NDEL1: variants seen among roughly 807,000 people sequenced by gnomAD.
NDEL1 encodes nuclear distribution protein nudE-like 1.
In NDEL1, 9 loss-of-function variants were observed where a neutral mutation model predicts 45.7. The ratio of observed to expected loss-of-function variants is 0.20; its 90% CI spans 0.12 to 0.34. The LOEUF is 0.34. Among genes scored for constraint, NDEL1 ranks in the 10% least tolerant of loss-of-function variants. The probability of loss-of-function intolerance (pLI) is 1.00; values close to 1 mark genes in which losing one functional copy is unlikely to be tolerated. For synonymous variants in NDEL1, 133 were observed against 158.6 expected, an observed-to-expected ratio of 0.84 and a Z score of 1.21; for missense variants, 306 against 406.2, an observed-to-expected ratio of 0.75 and a Z score of 2.12.
intron 1 of NDEL1, among the ~76,000 whole-genome samples, chr17:8,430,300 A>C (rs1374014982): frequency 6.6e-6 from 1 of 152,194 alleles, no homozygotes; most frequent in Non-Finnish European, 1.5e-5. Context: ...TTAGCAAAAA[A>C]TGCTGGCCAA....
At chr17:8,450,412 C>T (rs140292796) in intron 5 of NDEL1, among the ~76,000 whole-genome samples, 4 of 152,058 alleles carry the variant, frequency 2.6e-5, no homozygotes, top group Non-Finnish European at 4.4e-5. Context: ...TTTAAAATTA[C>T]AAAAATGCAC....
intron 6 of NDEL1, among the ~76,000 whole-genome samples, chr17:8,453,207 G>A (rs1196617611): frequency 6.6e-6 from 1 of 152,132 alleles, no homozygotes; most frequent in Non-Finnish European, 1.5e-5. Flanking sequence ...TGTGTCATGT[G>A]TTATTCTGGA....
chr17:8,425,759 G>A (rs1170240074), intron 1 of NDEL1, among the ~76,000 whole-genome samples: 1 of 151,560 alleles, frequency 6.6e-6, no homozygotes, highest in African/African-American at 2.4e-5. Flanking sequence ...ACTTGTTACT[G>A]CTGGCATACT....
At chr17:8,454,392 A>C (rs1264448395) in intron 6 of NDEL1, among the ~76,000 whole-genome samples, 6 of 152,102 alleles carry the variant, frequency 3.9e-5, no homozygotes, top group Admixed American at 1.3e-4. Context: ...AAAAAAAAAA[A>C]GATAATATCT....
At chr17:8,433,689 T>C (rs549646928), upstream of NDEL1, among the ~76,000 whole-genome samples, 8 of 152,220 alleles carry the variant, frequency 5.3e-5, no homozygotes, top group African/African-American at 1.9e-4. Flanking sequence ...ACATTTATTT[T>C]ATTTTTTTAG....
Position 8,446,851 on chromosome 17 carries a change from A to G in NDEL1, c.338A>G (p.Lys113Arg). Residue 113 changes from lysine (K) to arginine (R), a missense_variant, in exon 4 of 9, where the codon AAG becomes AGG. Physicochemically the swap from Lys to Arg is conservative, Grantham distance 26. Transcript: ENST00000334527. ...QTRAIKEQLH[K>R]YVRELEQAND... ...CGGGCCATTAAGGAGCAGTTGCATA[A>G]GTATGTGAGAGAGCTGGAGCAGGCC... 6.2e-7 allele frequency: 1 copy of G among 1,614,230 alleles called. No individual in the cohort carries two copies. The highest frequency in any genetic ancestry group is 1.1e-5 in the South Asian group (1 of 91,082).
At chr17:8,460,267 C>T (rs1192727750) in intron 8 of NDEL1, 107 bp downstream of exon 8, 4 of 1,202,462 alleles carry the variant, frequency 3.3e-6, no homozygotes, top group Non-Finnish European at 2.3e-6. Flanking sequence ...GACAAACCTT[C>T]CCGAAGCCTG....
upstream of NDEL1, among the ~76,000 whole-genome samples, chr17:8,430,901 A>T (rs1275215702): frequency 6.6e-6 from 1 of 152,182 alleles, no homozygotes; most frequent in Non-Finnish European, 1.5e-5. Flanking sequence ...CCCTGGGCCC[A>T]TCTCCCAGGG....
chr17:8,435,761 C>T (rs1183278356), upstream of NDEL1: 2 of 345,210 alleles, frequency 5.8e-6, no homozygotes, highest in South Asian at 2.0e-5. Context: ...GTCAGCGCGC[C>T]GGGCTCTGGC....
At chr17:8,421,277 T>C (rs987046390) in intron 1 of NDEL1, among the ~76,000 whole-genome samples, 2 of 152,170 alleles carry the variant, frequency 1.3e-5, no homozygotes, top group African/African-American at 4.8e-5. Context: ...CCCAAAAATG[T>C]TCACATCCTA....
intron 2 of NDEL1, 122 bp from the exon 3 acceptor site, chr17:8,445,589 T>C (rs1910030518): frequency 1.0e-6 from 1 of 986,550 alleles, no homozygotes; most frequent in African/African-American, 1.7e-5. Context: ...AGATTGTCTT[T>C]AGTATATTTT....
At chr17:8,429,485 T>C (rs932566209) in intron 1 of NDEL1, among the ~76,000 whole-genome samples, 7 of 152,102 alleles carry the variant, frequency 4.6e-5, no homozygotes, top group African/African-American at 1.7e-4. Context: ...ACTTTGGGAC[T>C]TTGAGTATCA....
chr17:8,446,326 T>G (rs947432689), intron 3 of NDEL1, among the ~76,000 whole-genome samples: 1 of 152,212 alleles, frequency 6.6e-6, no homozygotes, highest in Non-Finnish European at 1.5e-5. Flanking sequence ...TTCTCTGCCC[T>G]TTACCATCTA....
intron 8 of NDEL1, 82 bp from the exon 9 acceptor site, chr17:8,466,848 A>T: frequency 1.5e-6 from 2 of 1,345,016 alleles, no homozygotes; most frequent in Non-Finnish European, 2.1e-6. Context: ...AAAGCAGATT[A>T]ATTTCCTATT....
intron 8 of NDEL1, among the ~76,000 whole-genome samples, chr17:8,462,380 A>G (rs1350771967): frequency 6.6e-6 from 1 of 152,154 alleles, no homozygotes; most frequent in Admixed American, 6.6e-5. Flanking sequence ...TAGTTGCTGT[A>G]TTCCTGAGGA....
intron 5 of NDEL1, 112 bp downstream of exon 5, chr17:8,448,798 A>G (rs1353945104): frequency 9.0e-7 from 1 of 1,108,038 alleles, no homozygotes; most frequent in East Asian, 2.6e-5. Flanking sequence ...TTGAAAATAC[A>G]GTATTCACGG....
At chr17:8,449,625 T>C (rs1487632329) in intron 5 of NDEL1, among the ~76,000 whole-genome samples, 1 of 152,248 alleles carries the variant, frequency 6.6e-6, no homozygotes, top group Admixed American at 6.5e-5. Context: ...AGATACCTCA[T>C]ATAAGGGAGA....
intron 5 of NDEL1, among the ~76,000 whole-genome samples, chr17:8,450,339 C>T (rs998689369): frequency 6.6e-5 from 10 of 151,066 alleles, no homozygotes; most frequent in African/African-American, 9.7e-5. Flanking sequence ...AAATTTAAAC[C>T]GTTCTGAATA....
intron 7 of NDEL1, among the ~76,000 whole-genome samples, chr17:8,456,706 C>T (rs1029896675): frequency 6.6e-6 from 1 of 152,112 alleles, no homozygotes; most frequent in African/African-American, 2.4e-5. Flanking sequence ...ACCATGTTGG[C>T]CATGCTGGTC....
Sources: allele counts gnomAD v4.1 joint callset (sites outside exome capture counted in the v4.1 genomes callset), GRCh38; gene constraint gnomAD v4.1.1; transcripts MANE v1.5; gene names NCBI Gene and HGNC (gene_info 2026-07-23, HGNC 2026-07-21).